The following POSTN variants were observed in gnomAD, a reference collection of about 807,000 sequenced individuals.
POSTN encodes the protein osteoblast specific factor 2 (fasciclin I-like).
A neutral mutation model predicts 104.5 loss-of-function variants in POSTN; 71 were observed. That is an observed-to-expected ratio of 0.68 (90% CI 0.56 to 0.83). The LOEUF is 0.83. Ranked by LOEUF, POSTN falls within the 40% of genes least tolerant of loss-of-function variation. The probability of loss-of-function intolerance (pLI) is 0.00; values close to 1 mark genes in which losing one functional copy is unlikely to be tolerated. For missense variants in POSTN, 949 were observed against 1,006.8 expected, an observed-to-expected ratio of 0.94 and a Z score of 0.78; for synonymous variants, 355 against 340.7, an observed-to-expected ratio of 1.04 and a Z score of -0.46.
intron 22 of POSTN, among the ~76,000 whole-genome samples, chr13:37,564,210 A>ATATATG (rs1566536757): frequency 4.7e-5 from 6 of 127,964 alleles, no homozygotes; most frequent in Admixed American, 1.5e-4. Context: ...ATATATATAT[A>ATATATG]TATATATATA....
intron 10 of POSTN, among the ~76,000 whole-genome samples, chr13:37,581,741 A>G (rs1308533199): frequency 6.6e-6 from 1 of 152,060 alleles, no homozygotes; most frequent in East Asian, 1.9e-4. Flanking sequence ...AAAAAAGTAC[A>G]TTAAAACCCT....
chr13:37,595,090 G>A (rs1247189663), intron 2 of POSTN, among the ~76,000 whole-genome samples: 2 of 148,800 alleles, frequency 1.3e-5, no homozygotes, highest in African/African-American at 2.5e-5. Context: ...TTTTGGCATA[G>A]CCTCTGTACA....
Position 37,587,802 on chromosome 13 carries a change from T to A in POSTN, c.606+20A>T. ...AAGAAGGTATTTTTCATAAGTGTAC[T>A]TTTTACTGATAAAACTTACCCCATT... On this transcript the variant is annotated intron_variant, in intron 5 of 22. Coordinates refer to ENST00000379747, the MANE Select transcript of POSTN (RefSeq NM_006475.3). The A allele has an allele frequency of 3.3e-6, 5 of 1,517,776 alleles. No homozygotes were observed. Among genetic ancestry groups the A allele is most frequent in the Non-Finnish European group, 3.6e-6 (4 of 1,110,886 alleles). 94.0% of individuals were successfully genotyped at this position (1,517,776 alleles called of 1,614,324 possible).
intron 19 of POSTN, 68 bp from the exon 20 acceptor site, chr13:37,569,889 A>G: frequency 9.3e-7 from 1 of 1,080,260 alleles, no homozygotes; most frequent in East Asian, 2.4e-5. Flanking sequence ...AGTGACAGAG[A>G]GTAAGTATTT....
At chr13:37,564,989 C>G (rs1282476352) in intron 21 of POSTN, 3 of 154,460 alleles carry the variant, frequency 1.9e-5, no homozygotes, top group Admixed American at 6.5e-5. Flanking sequence ...TGTGCAATGT[C>G]TGCCTCTGTA....
At position 37,577,752 on chromosome 13, in the gene POSTN, C is replaced by T. The variant is rs1274018849; in HGVS notation, c.2008+1G>A. The T allele has an allele frequency of 2.5e-6, 4 of 1,613,076 alleles. No homozygotes were observed. Among genetic ancestry groups the T allele is most frequent in the Non-Finnish European group, 1.7e-6 (2 of 1,179,474 alleles). Reference sequence around the variant, plus strand: ...GTGGCCAATATTTATTATATACTTACTATAGACAGTCACGGGGATTTCTTT... The same window carrying T: ...GTGGCCAATATTTATTATATACTTATTATAGACAGTCACGGGGATTTCTTT... On this transcript the variant is annotated splice_donor_variant, in intron 16 of 22. Coordinates refer to ENST00000379747, the MANE Select transcript of POSTN (RefSeq NM_006475.3). LOFTEE classifies it high-confidence loss of function.
chr13:37,564,181 CATATATATATATAT>C (rs71093693), intron 22 of POSTN, among the ~76,000 whole-genome samples: 152 of 49,836 alleles, frequency 3.1e-3, no homozygotes, highest in Admixed American at 7.9e-3. Context: ...CAAAACATTA[CATATATATATATAT>C]ATATATATAT....
At position 37,592,228 on chromosome 13, in the gene POSTN, T is replaced by C. The variant is rs577752612; in HGVS notation, c.219-64A>G. On this transcript the variant is annotated intron_variant, in intron 2 of 22. Coordinates refer to ENST00000379747, the MANE Select transcript of POSTN (RefSeq NM_006475.3). ...TAAATAGGATACATTTTTACATAAA[T>C]TTGACAAAATATTTCACTTATTGAC... 12 of 1,013,110 alleles carry C rather than the reference T, an allele frequency of 1.2e-5. No homozygotes were observed. In the East Asian group the frequency reaches 2.9e-4, roughly 24 times the overall value. 62.8% of individuals were successfully genotyped at this position (1,013,110 alleles called of 1,614,324 possible).
intron 2 of POSTN, among the ~76,000 whole-genome samples, chr13:37,592,438 A>G (rs1427063271): frequency 6.6e-6 from 1 of 152,078 alleles, no homozygotes; most frequent in Non-Finnish European, 1.5e-5. Context: ...AGCTGGGACT[A>G]CAGGCGCCTA....
Position 37,583,768 on chromosome 13 carries a change from C to T in POSTN, c.1243+201G>A, listed in dbSNP as rs115134122. Among the ~76,000 whole-genome samples, 641 of 152,112 alleles carry T rather than the reference C, an allele frequency of 4.2e-3. 7 individuals carry two copies. The highest frequency in any genetic ancestry group is 0.014 in the African/African-American group (578 of 41,508). On this transcript the variant is annotated intron_variant, in intron 9 of 22. Transcript: ENST00000379747. ...AATTACAAATTTCACTCTCTGTAGG[C>T]TATTATCCATTATAATGAAATGTTT...
chr13:37,594,052 A>G (rs906627232), intron 2 of POSTN, among the ~76,000 whole-genome samples: 3 of 152,066 alleles, frequency 2.0e-5, no homozygotes, highest in African/African-American at 7.2e-5. Context: ...TTGGAAACAT[A>G]TAAAAGGTAT....
chr13:37,588,040 G>C (rs1950804284), intron 4 of POSTN, 54 bp from the exon 5 acceptor site: 1 of 1,390,002 alleles, frequency 7.2e-7, no homozygotes, highest in Non-Finnish European at 1.0e-6. Context: ...ATTAGTAAAA[G>C]TCTTACGATC....
Position 37,597,295 on chromosome 13 carries a change from G to A in POSTN, c.120-13C>T. On this transcript the variant is annotated splice_polypyrimidine_tract_variant and intron_variant, in intron 1 of 22. Transcript: ENST00000379747. ...ACAGACATTTGGGCTGGAGGATAGAGGGAAAGGAAAAAAGTTAATGTCCTA... is the reference window on the plus strand; with the variant it reads ...ACAGACATTTGGGCTGGAGGATAGAAGGAAAGGAAAAAAGTTAATGTCCTA... 1.9e-6 allele frequency: 3 copies of A among 1,542,706 alleles called. No homozygotes were observed. The Admixed American group carries it at 6.3e-5, about 32-fold the overall frequency.
intron 1 of POSTN, 138 bp from the exon 2 acceptor site, chr13:37,597,420 T>G: frequency 3.2e-6 from 2 of 621,542 alleles, no homozygotes; most frequent in Non-Finnish European, 5.5e-6. Flanking sequence ...TGCACAAATC[T>G]AATTATTGAC....
At chr13:37,587,730 A>G in intron 5 of POSTN, 92 bp downstream of exon 5, 2 of 1,066,482 alleles carry the variant, frequency 1.9e-6, no homozygotes, top group Non-Finnish European at 2.7e-6. Context: ...TCTCACTAAC[A>G]TTTTATTATT....
intron 8 of POSTN, 23 bp downstream of exon 8, chr13:37,584,693 C>T: frequency 6.3e-7 from 1 of 1,594,370 alleles, no homozygotes; most frequent in East Asian, 2.2e-5. Flanking sequence ...AAAACAAAAA[C>T]AAAAACAAAA....
chr13:37,592,288 TTC>T lies in POSTN; in HGVS notation c.219-126_219-125del, dbSNP rs1491055210. 4 of 680,096 alleles carry T rather than the reference TTC, an allele frequency of 5.9e-6. No homozygotes were observed. In the East Asian group the frequency reaches 9.0e-5, roughly 15 times the overall value. The allele number at this position is 680,096 out of a possible 1,614,324, so 42.1% of individuals were successfully genotyped here. A position where few individuals can be genotyped will look rare whatever the true frequency, so the allele number is the denominator to read the frequency against. ...TGAGGTTCTAAAAATCAGGTTTTTT[TTC>T]CCCCCTGATTTTTTCTTTTTTCTTT... On this transcript the variant is annotated intron_variant, in intron 2 of 22. Coordinates refer to ENST00000379747, the MANE Select transcript of POSTN (RefSeq NM_006475.3).
rs1593360973 is a variant in POSTN at position 37,590,425 on chromosome 13, C to G, written c.388G>C (p.Gly130Arg). 6.2e-7 allele frequency: 1 copy of G among 1,610,784 alleles called. No individual in the cohort carries two copies. Among genetic ancestry groups the G allele is most frequent in the East Asian group, 2.2e-5 (1 of 44,818 alleles). ...SKLREEIEGK[G>R]SFTYFAPSNE... Reference sequence around the variant, plus strand: ...CTCGGTGCAAAGTAAGTGAAGGATCCCTTTCCCTCGATCTCCTCCCTCAGT... The same window carrying G: ...CTCGGTGCAAAGTAAGTGAAGGATCGCTTTCCCTCGATCTCCTCCCTCAGT... Residue 130 changes from glycine to arginine, a missense_variant, in exon 4 of 23, where the codon GGA becomes CGA. Gly to Arg is a moderately radical substitution (Grantham distance 125). Coordinates refer to ENST00000379747, the MANE Select transcript of POSTN (RefSeq NM_006475.3).
chr13:37,569,267 G>A, intron 21 of POSTN, 33 bp downstream of exon 21: 1 of 1,516,012 alleles, frequency 6.6e-7, no homozygotes, highest in Non-Finnish European at 9.1e-7. Context: ...ACTAGAACCT[G>A]TTAAGGGGGT....
Sources: gnomAD v4.1 joint callset for allele counts (sites outside exome capture counted in the v4.1 genomes callset) on GRCh38, gnomAD v4.1.1 for gene constraint, MANE v1.5 for transcripts, NCBI Gene and HGNC (gene_info 2026-07-23, HGNC 2026-07-21) for gene names.